The following HDAC4 variants were observed in gnomAD, a reference collection of about 807,000 sequenced individuals.
The protein encoded by HDAC4 is histone deacetylase A.
In HDAC4, 16 loss-of-function variants were observed where a neutral mutation model predicts 135.1. The ratio of observed to expected loss-of-function variants is 0.12; its 90% CI spans 0.08 to 0.18. The LOEUF (loss-of-function observed/expected upper bound fraction) is 0.18, where lower values mean the gene tolerates loss of function less well. Among genes scored for constraint, HDAC4 ranks in the 10% least tolerant of loss-of-function variants. HDAC4 has a pLI of 1.00. For missense variants in HDAC4, 1,143 were observed against 1,511.8 expected, an observed-to-expected ratio of 0.76 and a Z score of 4.05; for synonymous variants, 685 against 653.4, an observed-to-expected ratio of 1.05 and a Z score of -0.74.
In HDAC4 at chr2:239,115,958, C is replaced by G. The variant is rs2039096905; in HGVS notation, c.1534-648G>C. Among the ~76,000 whole-genome samples, 1 of 152,140 alleles carries G rather than the reference C, an allele frequency of 6.6e-6. No individual in the cohort carries two copies. On this transcript the variant is annotated intron_variant, in intron 12 of 26. Transcript: ENST00000543185. This position sits in a 1 kb window ranked among gnomAD's most constrained non-coding sequence, Gnocchi z 6.3. ...TTTCTTGCAGGATTCCATGGGTGCT[C>G]CATGACCTGCCCCGCTATGGGGCCC...
At chr2:239,060,224 C>T (rs1461951561) in intron 24 of HDAC4, among the ~76,000 whole-genome samples, 1 of 152,204 alleles carries the variant, frequency 6.6e-6, no homozygotes, top group African/African-American at 2.4e-5. Context: ...TCATGGTGCC[C>T]TGGGCTTCTG....
chr2:239,156,877 GC>G, intron 6 of HDAC4, 104 bp from the exon 7 acceptor site: 1 of 1,348,354 alleles, frequency 7.4e-7, no homozygotes, highest in Non-Finnish European at 1.0e-6. Context: ...TGAAACCTCA[GC>G]CCCACCTCAA....
chr2:239,353,218 T>C (rs1277442690), intron 1 of HDAC4, among the ~76,000 whole-genome samples: 1 of 152,194 alleles, frequency 6.6e-6, no homozygotes, highest in Admixed American at 6.5e-5. Context: ...TTTGCCATGT[T>C]GGCCCAGGCT....
At chr2:239,099,695 C>T (rs73092852) in intron 16 of HDAC4, among the ~76,000 whole-genome samples, 4 of 152,144 alleles carry the variant, frequency 2.6e-5, no homozygotes, top group Admixed American at 2.0e-4. Flanking sequence ...TCCCCGCCTC[C>T]GCTAGGTACT....
intron 2 of HDAC4, among the ~76,000 whole-genome samples, chr2:239,348,317 C>A (rs573508667): frequency 6.6e-6 from 1 of 152,112 alleles, no homozygotes; most frequent in East Asian, 1.9e-4. Context: ...CACTGCGGGG[C>A]TCCTTGACAC....
At chr2:239,380,378 T>A (rs1173544223) in intron 1 of HDAC4, among the ~76,000 whole-genome samples, 1 of 152,260 alleles carries the variant, frequency 6.6e-6, no homozygotes, top group South Asian at 2.1e-4. Flanking sequence ...ATGTATTCTA[T>A]ATTGATAATA....
At position 239,094,315 on chromosome 2, in the gene HDAC4, G is replaced by C. The variant is rs947179147; in HGVS notation, c.2280+695C>G. ...TCTTTTGTTATTGAGAAGTTTGATT[G>C]CAAGACCTGACCCTTCCTGTGTGGA... On this transcript the variant is annotated intron_variant, in intron 17 of 26. Transcript: ENST00000543185. 7.1e-6 allele frequency: 7 copies of C among 985,356 alleles called. No individual in the cohort carries two copies. The African/African-American group carries it at 8.7e-5, about 12-fold the overall frequency. The allele number at this position is 985,356 out of a possible 1,614,324, so 61.0% of individuals were successfully genotyped here. A position where few individuals can be genotyped will look rare whatever the true frequency, so the allele number is the denominator to read the frequency against.
At chr2:239,242,230 A>AAGGG (rs142708646) in intron 2 of HDAC4, among the ~76,000 whole-genome samples, 3,246 of 99,204 alleles carry the variant, frequency 0.033, 174 homozygotes, top group African/African-American at 0.11. Flanking sequence ...GAAGGAGGGG[A>AAGGG]AGGGAGGGAG....
At chr2:239,290,464 T>C (rs1452869518) in intron 2 of HDAC4, among the ~76,000 whole-genome samples, 1 of 152,182 alleles carries the variant, frequency 6.6e-6, no homozygotes, top group African/African-American at 2.4e-5. Context: ...ATGGTAAAAC[T>C]GGAGACCCTA....
chr2:239,282,669 C>A (rs2050866257), intron 2 of HDAC4, among the ~76,000 whole-genome samples: 1 of 149,740 alleles, frequency 6.7e-6, no homozygotes, highest in Non-Finnish European at 1.5e-5. Flanking sequence ...CCCCACTCTA[C>A]AATGTACACA....
At position 239,068,223 on chromosome 2, in the gene HDAC4, C is replaced by T. The variant is rs1031405188; in HGVS notation, c.2869+266G>A. On this transcript the variant is annotated intron_variant, in intron 23 of 26. Coordinates refer to ENST00000543185, the MANE Select transcript of HDAC4 (RefSeq NM_001378414.1). The surrounding 1 kb of genome is among the most constrained non-coding windows in gnomAD (Gnocchi z 4.4). ...GGTGGCCTGCAGGTCCCTAGGCACC[C>T]GCATCCCAGAGAGGGAGCCTCGTGT... Among the ~76,000 whole-genome samples, 3 of 152,178 alleles carry T rather than the reference C, an allele frequency of 2.0e-5. No homozygotes were observed. Among genetic ancestry groups the T allele is most frequent in the Non-Finnish European group, 2.9e-5 (2 of 68,022 alleles).
In HDAC4 at chr2:239,052,795, T is replaced by C. The variant is rs1477730219; in HGVS notation, c.*302A>G. ...CCGCCTGTTGCCACAGGCTCCTTTC[T>C]TCCACGGCGTCCCTTGCGGGACCCG... is the stretch of plus-strand genomic sequence containing the variant. On this transcript the variant is annotated 3_prime_UTR_variant, in exon 27 of 27. Coordinates refer to ENST00000543185, the MANE Select transcript of HDAC4 (RefSeq NM_001378414.1). The C allele has an allele frequency of 2.3e-6, 1 of 434,488 alleles. No homozygotes were observed. The highest frequency in any genetic ancestry group is 3.8e-5 in the East Asian group (1 of 26,218). The allele number at this position is 434,488 out of a possible 1,614,324, so 26.9% of individuals were successfully genotyped here. A position where few individuals can be genotyped will look rare whatever the true frequency, so the allele number is the denominator to read the frequency against.
chr2:239,232,940 G>A (rs145369103), intron 3 of HDAC4, among the ~76,000 whole-genome samples: 2,300 of 149,756 alleles, frequency 0.015, 57 homozygotes, highest in African/African-American at 0.054. Context: ...AGCCAAGGGT[G>A]GCCCTTCCCT....
intron 1 of HDAC4, among the ~76,000 whole-genome samples, chr2:239,370,509 C>T (rs72994578): frequency 0.14 from 21,781 of 152,254 alleles, 2,079 homozygotes; most frequent in South Asian, 0.2. Flanking sequence ...CCCTGCAGCG[C>T]CCCCCTGAAT....
intron 2 of HDAC4, among the ~76,000 whole-genome samples, chr2:239,253,455 G>C (rs996810072): frequency 2.0e-5 from 3 of 152,202 alleles, no homozygotes; most frequent in African/African-American, 7.2e-5. Flanking sequence ...GAAAACAGCA[G>C]TGGCTGAATG....
chr2:239,052,942 C>T lies in HDAC4; in HGVS notation c.*155G>A, dbSNP rs528624100. 4.1e-4 allele frequency: 341 copies of T among 834,500 alleles called. 1 individual carries two copies. The highest frequency in any genetic ancestry group is 6.1e-4 in the Non-Finnish European group (296 of 488,940). The allele number at this position is 834,500 out of a possible 1,614,324, so 51.7% of individuals were successfully genotyped here. ...GCGTCTCGAGACCTGTGGGCCTGGG[C>T]GGCAGAAAGGCTTCCCGTGGCTGTT... On this transcript the variant is annotated 3_prime_UTR_variant, in exon 27 of 27. Transcript: ENST00000543185.
At chr2:239,379,312 G>A (rs549054807) in intron 1 of HDAC4, among the ~76,000 whole-genome samples, 49 of 152,274 alleles carry the variant, frequency 3.2e-4, no homozygotes, top group African/African-American at 1.1e-3. Flanking sequence ...GGCGAGCCCC[G>A]GGGAGACGCA....
intron 22 of HDAC4, among the ~76,000 whole-genome samples, chr2:239,080,564 T>C (rs750867461): frequency 1.4e-4 from 19 of 138,878 alleles, no homozygotes; most frequent in Non-Finnish European, 2.0e-4. Context: ...AACCGCTTGA[T>C]GACAAAAGCA....
chr2:239,333,899 A>G (rs898313980), intron 2 of HDAC4, among the ~76,000 whole-genome samples: 6 of 152,218 alleles, frequency 3.9e-5, no homozygotes, highest in Admixed American at 1.3e-4. Context: ...TGATATTAGA[A>G]TAAGACATAG....
Sources: gnomAD v4.1 joint callset for allele counts (sites outside exome capture counted in the v4.1 genomes callset) on GRCh38, gnomAD v4.1.1 for gene constraint, Gnocchi (gnomAD v3.1) non-coding constraint, MANE v1.5 for transcripts, NCBI Gene and HGNC (gene_info 2026-07-23, HGNC 2026-07-21) for gene names.